MVB12B: variants seen among roughly 807,000 people sequenced by gnomAD.
The protein encoded by MVB12B is ESCRT-I complex subunit MVB12B.
A neutral mutation model predicts 41.6 loss-of-function variants in MVB12B; 16 were observed. The observed-to-expected ratio is 0.38, with a 90% CI of 0.26 to 0.58. The LOEUF is 0.58. MVB12B is among the 20% of genes least tolerant of loss of function. The probability of loss-of-function intolerance (pLI) is 0.62; values close to 1 mark genes in which losing one functional copy is unlikely to be tolerated. For missense variants in MVB12B, 274 were observed against 380.2 expected (o/e 0.72, Z 2.32); for synonymous variants, 133 against 139.7 (o/e 0.95, Z 0.34).
Position 126,392,117 on chromosome 9 carries a change from A to C in MVB12B, c.461A>C (p.Asp154Ala), listed in dbSNP as rs1160633436. ...CTGTGCATTAAATTTATTCCACGGG[A>C]TTCAACGGAAGCTGCGATTTGTGAC... ...KRLCIKFIPR[D>A]STEAAICDIR... Residue 154 changes from aspartate to alanine, a missense_variant, in exon 5 of 10, where the codon GAT becomes GCT. Coordinates refer to ENST00000361171, the MANE Select transcript of MVB12B (RefSeq NM_033446.3). This position sits in a 1 kb window ranked among gnomAD's most constrained non-coding sequence, Gnocchi z 4.8. 6.2e-7 allele frequency: 1 copy of C among 1,614,040 alleles called. No homozygotes were observed. Among genetic ancestry groups the C allele is most frequent in the Non-Finnish European group, 8.5e-7 (1 of 1,180,024 alleles).
intron 2 of MVB12B, among the ~76,000 whole-genome samples, chr9:126,372,660 G>GT (rs1347628483): frequency 6.6e-6 from 1 of 152,170 alleles, no homozygotes; most frequent in Non-Finnish European, 1.5e-5. Context: ...ATCCTATGAG[G>GT]TAGGTATTAT....
chr9:126,500,971 C>G (rs1833943248), intron 9 of MVB12B, among the ~76,000 whole-genome samples: 5 of 152,220 alleles, frequency 3.3e-5, no homozygotes, highest in Non-Finnish European at 2.9e-5. Flanking sequence ...TTGGGAGTCC[C>G]GCGCAGGGCG....
chr9:126,400,245 A>T (rs1831231770), intron 6 of MVB12B, among the ~76,000 whole-genome samples: 1 of 152,152 alleles, frequency 6.6e-6, no homozygotes, highest in South Asian at 2.1e-4. Context: ...CCAGGTGGGG[A>T]TGGAGGGGTG....
intron 7 of MVB12B, among the ~76,000 whole-genome samples, chr9:126,474,294 A>C (rs974712082): frequency 6.6e-6 from 1 of 152,220 alleles, no homozygotes. Context: ...TCTGCTCTAA[A>C]ATAATAACAA....
At chr9:126,446,027 G>C (rs534179771) in intron 7 of MVB12B, among the ~76,000 whole-genome samples, 69 of 152,234 alleles carry the variant, frequency 4.5e-4, no homozygotes, top group African/African-American at 1.6e-3. Flanking sequence ...CCTGGTTCCT[G>C]ACTTTAATGG....
intron 5 of MVB12B, among the ~76,000 whole-genome samples, chr9:126,393,607 G>A (rs893908877): frequency 2.7e-4 from 41 of 152,340 alleles, no homozygotes; most frequent in African/African-American, 9.6e-4. Context: ...CACGACTGGT[G>A]CTGCTCCTAA....
At position 126,474,975 on chromosome 9, in the gene MVB12B, C is replaced by T. The variant is rs150861612; in HGVS notation, c.758-6394C>T. On this transcript the variant is annotated intron_variant, in intron 7 of 9. Transcript: ENST00000361171. ...GTGACTCATCCGGGCACCAGGACTG[C>T]GGCACTGTAACCTTATGATGCTCCG... Among the ~76,000 whole-genome samples, 387 of 152,320 alleles carry T rather than the reference C, an allele frequency of 2.5e-3. 3 individuals are homozygous for T. The highest frequency in any genetic ancestry group is 0.019 in the East Asian group (96 of 5,184).
At chr9:126,501,044 A>G (rs976778376) in intron 9 of MVB12B, among the ~76,000 whole-genome samples, 9 of 152,210 alleles carry the variant, frequency 5.9e-5, no homozygotes, top group African/African-American at 2.2e-4. Flanking sequence ...CCTGCCGTGC[A>G]TGTGCCCAGG....
In MVB12B at chr9:126,395,437, C is replaced by A. The variant is rs576491759; in HGVS notation, c.540-138C>A. 2.9e-6 allele frequency: 3 copies of A among 1,023,802 alleles called. No individual in the cohort carries two copies. Among genetic ancestry groups the A allele is most frequent in the African/African-American group, 3.2e-5 (2 of 62,138 alleles). The allele number at this position is 1,023,802 out of a possible 1,614,324, so 63.4% of individuals were successfully genotyped here. A position where few individuals can be genotyped will look rare whatever the true frequency, so the allele number is the denominator to read the frequency against. ...CCAGAGCACAAAGGAGACGGTGGAA[C>A]CCATTTCACGTGGAGGGCAAGAATT... On this transcript the variant is annotated intron_variant, in intron 5 of 9. Coordinates refer to ENST00000361171, the MANE Select transcript of MVB12B (RefSeq NM_033446.3). The surrounding 1 kb of genome is among the most constrained non-coding windows in gnomAD (Gnocchi z 4.9).
chr9:126,368,866 GA>G (rs1246074209), intron 2 of MVB12B, among the ~76,000 whole-genome samples: 1 of 152,154 alleles, frequency 6.6e-6, no homozygotes, highest in African/African-American at 2.4e-5. Context: ...ATGACTTACA[GA>G]AATACATCGT....
At chr9:126,428,378 TATG>T (rs1832239092) in intron 7 of MVB12B, among the ~76,000 whole-genome samples, 1 of 152,166 alleles carries the variant, frequency 6.6e-6, no homozygotes, top group Admixed American at 6.5e-5. Flanking sequence ...CTTTTCATCT[TATG>T]ATGAAAAAAA....
chr9:126,397,650 G>T (rs966413009), intron 6 of MVB12B: 7 of 985,034 alleles, frequency 7.1e-6, no homozygotes, highest in Non-Finnish European at 8.4e-6. Context: ...TCTCCTGTGC[G>T]GTAATTTACA....
chr9:126,358,596 C>T (rs1358116809), intron 2 of MVB12B, among the ~76,000 whole-genome samples: 1 of 152,152 alleles, frequency 6.6e-6, no homozygotes, highest in African/African-American at 2.4e-5. Context: ...ACTTTAACTC[C>T]ATTCTTGTTG....
At chr9:126,390,193 T>C (rs895090263) in intron 4 of MVB12B, among the ~76,000 whole-genome samples, 1 of 152,228 alleles carries the variant, frequency 6.6e-6, no homozygotes, top group African/African-American at 2.4e-5. Context: ...TACTTGTCAA[T>C]AATGACGGTA....
chr9:126,349,534 C>T (rs1829691897), intron 2 of MVB12B, among the ~76,000 whole-genome samples: 1 of 152,162 alleles, frequency 6.6e-6, no homozygotes, highest in Admixed American at 6.5e-5. Context: ...CCTTGATAGC[C>T]ACTAATCTGT....
At position 126,504,439 on chromosome 9, in the gene MVB12B, T is replaced by C. The variant is rs1834025596; in HGVS notation, c.*1176T>C. ...AGTATGGGGACCTGACATCTTTGGG[T>C]CCCCAAGAGTTGGCTCTTGGATGTG... On this transcript the variant is annotated 3_prime_UTR_variant, in exon 10 of 10. Coordinates refer to ENST00000361171, the MANE Select transcript of MVB12B (RefSeq NM_033446.3). 6.6e-6 allele frequency: 1 copy of C among 152,388 alleles called. No homozygotes were observed. The highest frequency in any genetic ancestry group is 6.5e-5 in the Admixed American group (1 of 15,284). The allele number at this position is 152,388 out of a possible 1,614,324, so 9.4% of individuals were successfully genotyped here. A position where few individuals can be genotyped will look rare whatever the true frequency, so the allele number is the denominator to read the frequency against.
chr9:126,497,664 C>T (rs900370243), intron 9 of MVB12B, among the ~76,000 whole-genome samples: 1 of 152,202 alleles, frequency 6.6e-6, no homozygotes, highest in African/African-American at 2.4e-5. Context: ...CCTGGCTTCT[C>T]CCTACCCCCA....
intron 7 of MVB12B, among the ~76,000 whole-genome samples, chr9:126,443,751 G>A (rs573350467): frequency 6.6e-6 from 1 of 152,256 alleles, no homozygotes; most frequent in African/African-American, 2.4e-5. Flanking sequence ...ATAAAATCCA[G>A]GCTTTTTATG....
chr9:126,499,976 TCCCCACGACAG>T (rs1453757929), intron 9 of MVB12B, among the ~76,000 whole-genome samples: 1 of 151,608 alleles, frequency 6.6e-6, no homozygotes, highest in Non-Finnish European at 1.5e-5. Flanking sequence ...CGGCACAGGG[TCCCCACGACAG>T]CCCCTCTGCC....
Sources: gnomAD v4.1 joint callset for allele counts (sites outside exome capture counted in the v4.1 genomes callset) on GRCh38, gnomAD v4.1.1 for gene constraint, Gnocchi (gnomAD v3.1) non-coding constraint, MANE v1.5 for transcripts, NCBI Gene and HGNC (gene_info 2026-07-23, HGNC 2026-07-21) for gene names.